Variants in KIAA1328 observed in about 807,000 individuals in gnomAD.
The protein encoded by KIAA1328 is protein hinderin.
KIAA1328 carries 52 observed loss-of-function variants against 68.1 expected under a neutral mutation model. The ratio of observed to expected loss-of-function variants is 0.76; its 90% CI spans 0.61 to 0.96. KIAA1328 has a LOEUF of 0.96. Ranked by LOEUF, KIAA1328 falls within the 40% of genes least tolerant of loss-of-function variation. The pLI, the probability that KIAA1328 is intolerant of heterozygous loss-of-function variation, is 0.00. For synonymous variants in KIAA1328, 232 were observed against 239.4 expected, an observed-to-expected ratio of 0.97 and a Z score of 0.28; for missense variants, 641 against 677.6, an observed-to-expected ratio of 0.95 and a Z score of 0.60.
chr18:36,949,079 A>G lies in KIAA1328; in HGVS notation c.449-10229A>G, dbSNP rs1312197967. On this transcript the variant is annotated intron_variant, in intron 5 of 9. Coordinates refer to ENST00000280020, the MANE Select transcript of KIAA1328 (RefSeq NM_020776.3). ...TAATTATTGTTGTGCAGTTCACTTG[A>G]TAAGGAAGCTTCTTGGGGGAGAGGT... Among the ~76,000 whole-genome samples, 5 of 152,230 alleles carry G rather than the reference A, an allele frequency of 3.3e-5. No individual in the cohort carries two copies. The South Asian group carries it at 6.2e-4, about 19-fold the overall frequency.
intron 6 of KIAA1328, among the ~76,000 whole-genome samples, chr18:36,992,424 A>G (rs573807023): frequency 6.7e-6 from 1 of 150,170 alleles, no homozygotes; most frequent in Non-Finnish European, 1.5e-5. Context: ...GATGCGAGGC[A>G]AAGGTCCAAT....
intron 6 of KIAA1328, among the ~76,000 whole-genome samples, chr18:37,052,041 CA>C (rs879749688): frequency 7.7e-4 from 94 of 121,612 alleles, no homozygotes; most frequent in Admixed American, 3.9e-3. Flanking sequence ...GACTACGTCT[CA>C]AAAAAAAAAA....
chr18:37,098,160 A>G (rs1235003551), intron 7 of KIAA1328, among the ~76,000 whole-genome samples: 15 of 152,260 alleles, frequency 9.9e-5, no homozygotes, highest in South Asian at 2.1e-4. Flanking sequence ...CCAGTTTTCA[A>G]AGGGAATGCT....
intron 7 of KIAA1328, among the ~76,000 whole-genome samples, chr18:37,117,746 C>T (rs1357242545): frequency 2.6e-5 from 4 of 152,050 alleles, no homozygotes; most frequent in African/African-American, 9.7e-5. Flanking sequence ...GACGCAAAGT[C>T]CTTGGGTGAT....
At chr18:36,842,279 C>A (rs1030557328) in intron 3 of KIAA1328, among the ~76,000 whole-genome samples, 2 of 152,010 alleles carry the variant, frequency 1.3e-5, no homozygotes. Context: ...TCTGAGGAGG[C>A]CTGATAAAGG....
At chr18:37,070,732 G>C (rs377171045) in intron 7 of KIAA1328, among the ~76,000 whole-genome samples, 1 of 151,662 alleles carries the variant, frequency 6.6e-6, no homozygotes, top group Non-Finnish European at 1.5e-5. Flanking sequence ...CACCATGCCC[G>C]GCTAGTTTTT....
At chr18:37,221,756 C>T (rs2060567412) in intron 9 of KIAA1328, among the ~76,000 whole-genome samples, 1 of 152,084 alleles carries the variant, frequency 6.6e-6, no homozygotes, top group Admixed American at 6.6e-5. Context: ...ATTACTCTTC[C>T]CACTCTACAA....
In KIAA1328 at chr18:37,039,562, G is replaced by A. The variant is rs193043911; in HGVS notation, c.577-27328G>A. ...TGAGTAGCTGGGACTACAAGCGAACGCCACCACGCCCAGCTAATTTTTGTA... is the reference window on the plus strand; with the variant it reads ...TGAGTAGCTGGGACTACAAGCGAACACCACCACGCCCAGCTAATTTTTGTA... On this transcript the variant is annotated intron_variant, in intron 6 of 9. Coordinates refer to ENST00000280020, the MANE Select transcript of KIAA1328 (RefSeq NM_020776.3). 2.1e-3 allele frequency among the ~76,000 whole-genome samples: 322 copies of A among 151,990 alleles called. 2 individuals carry two copies. Among genetic ancestry groups the A allele is most frequent in the Non-Finnish European group, 3.5e-3 (235 of 67,960 alleles).
chr18:36,995,506 T>G (rs1219251138), intron 6 of KIAA1328, among the ~76,000 whole-genome samples: 1 of 152,212 alleles, frequency 6.6e-6, no homozygotes, highest in Non-Finnish European at 1.5e-5. Flanking sequence ...TGTCTGTACT[T>G]TTTTACATTC....
intron 6 of KIAA1328, among the ~76,000 whole-genome samples, chr18:37,057,383 G>T (rs575818339): frequency 6.6e-6 from 1 of 151,402 alleles, no homozygotes; most frequent in East Asian, 2.0e-4. Flanking sequence ...ATCATTAAAT[G>T]GTTGGGGGAA....
chr18:37,223,938 G>A lies in KIAA1328; in HGVS notation c.*1711G>A, dbSNP rs1346285205. On this transcript the variant is annotated 3_prime_UTR_variant, in exon 10 of 10. Coordinates refer to ENST00000280020, the MANE Select transcript of KIAA1328 (RefSeq NM_020776.3). The stretch of plus-strand genomic sequence containing the variant: ...GTTATAATCATTCCCTTAAAAAGTT[G>A]GAAAATCATTACAGATTAAAATTTC... 1.0e-6 allele frequency: 1 copy of A among 984,684 alleles called. No individual in the cohort carries two copies. Among genetic ancestry groups the A allele is most frequent in the Non-Finnish European group, 1.2e-6 (1 of 829,450 alleles). 61.0% of individuals were successfully genotyped at this position (984,684 alleles called of 1,614,324 possible).
intron 7 of KIAA1328, among the ~76,000 whole-genome samples, chr18:37,134,166 A>C (rs2058590325): frequency 6.6e-6 from 1 of 152,014 alleles, no homozygotes; most frequent in Admixed American, 6.6e-5. Context: ...GGCACGCGCC[A>C]CCACACCTGG....
At chr18:36,933,955 T>G (rs2050406287) in intron 5 of KIAA1328, among the ~76,000 whole-genome samples, 1 of 152,220 alleles carries the variant, frequency 6.6e-6, no homozygotes, top group Non-Finnish European at 1.5e-5. Flanking sequence ...GTGGCCATTT[T>G]ACACTGCAGC....
chr18:37,145,988 C>T (rs1400119205), intron 7 of KIAA1328, among the ~76,000 whole-genome samples: 1 of 152,218 alleles, frequency 6.6e-6, no homozygotes, highest in East Asian at 1.9e-4. Flanking sequence ...CATTTTGCTT[C>T]CCCCGCTCCC....
Position 37,082,166 on chromosome 18 carries a change from A to ATTTTT in KIAA1328, c.1232+14639_1232+14643dup, listed in dbSNP as rs34106395. On this transcript the variant is annotated intron_variant, in intron 7 of 9. Coordinates refer to ENST00000280020, the MANE Select transcript of KIAA1328 (RefSeq NM_020776.3). ...AGCTTGTCATTTACCTGCCCCAAGGATTTTTTTTTTTTTTTTTTTTTTGGA... is the reference window on the plus strand; with the variant it reads ...AGCTTGTCATTTACCTGCCCCAAGGATTTTTTTTTTTTTTTTTTTTTTTTTTTGGA... Among the ~76,000 whole-genome samples, 51 of 100,418 alleles carry ATTTTT rather than the reference A, an allele frequency of 5.1e-4. 1 individual carries two copies. Among genetic ancestry groups the ATTTTT allele is most frequent in the African/African-American group, 1.9e-3 (45 of 23,690 alleles). 65.9% of individuals were successfully genotyped at this position (100,418 alleles called of 152,430 possible).
chr18:37,100,871 C>T (rs2057590742), intron 7 of KIAA1328, among the ~76,000 whole-genome samples: 1 of 152,200 alleles, frequency 6.6e-6, no homozygotes, highest in Non-Finnish European at 1.5e-5. Context: ...CCAATATCCG[C>T]TGTTCTGCAG....
intron 4 of KIAA1328, among the ~76,000 whole-genome samples, chr18:36,875,701 T>G (rs2048098229): frequency 6.6e-6 from 1 of 152,208 alleles, no homozygotes; most frequent in South Asian, 2.1e-4. Context: ...CTTCCAATAC[T>G]ATGTTGAATA....
chr18:36,978,594 G>A (rs984641877), intron 6 of KIAA1328, among the ~76,000 whole-genome samples: 11 of 152,118 alleles, frequency 7.2e-5, no homozygotes, highest in African/African-American at 2.7e-4. Flanking sequence ...TTTATATCTA[G>A]TCTCTTTACT....
intron 9 of KIAA1328, among the ~76,000 whole-genome samples, chr18:37,182,860 G>A (rs2847593): frequency 0.8 from 121,106 of 152,070 alleles, 48,784 homozygotes; most frequent in African/African-American, 0.92. Context: ...GCTTGTCCAT[G>A]TTGGGCACTC....
Sources: gnomAD v4.1 joint callset for allele counts (sites outside exome capture counted in the v4.1 genomes callset) on GRCh38, gnomAD v4.1.1 for gene constraint, MANE v1.5 for transcripts, NCBI Gene and HGNC (gene_info 2026-07-23, HGNC 2026-07-21) for gene names.